Variants in POLR3A observed in about 807,000 individuals in gnomAD.
POLR3A encodes the protein RNA polymerase III subunit A.
In POLR3A, 112 loss-of-function variants were observed where a neutral mutation model predicts 152.8. The observed-to-expected ratio is 0.73, with a 90% CI of 0.63 to 0.86. The LOEUF (loss-of-function observed/expected upper bound fraction) is 0.86. Ranked by LOEUF, POLR3A falls within the 40% of genes least tolerant of loss-of-function variation. The pLI, the probability that POLR3A is intolerant of heterozygous loss-of-function variation, is 0.00. For missense variants in POLR3A, 1,385 were observed against 1,743.1 expected (o/e 0.79, Z 3.66); for synonymous variants, 615 against 652.1 (o/e 0.94, Z 0.87).
At chr10:77,991,332 G>A (rs1346856527) in intron 20 of POLR3A, among the ~76,000 whole-genome samples, 165 bp from the exon 21 acceptor site, 1 of 152,184 alleles carries the variant, frequency 6.6e-6, no homozygotes, top group Non-Finnish European at 1.5e-5. Flanking sequence ...TTCATGTGAA[G>A]GTGAAAACTG....
chr10:78,017,471 C>A, intron 10 of POLR3A, 104 bp downstream of exon 10: 23 of 1,157,366 alleles, frequency 2.0e-5, no homozygotes, highest in Non-Finnish European at 2.5e-5. Flanking sequence ...GTTATGAAAA[C>A]TTGAGATAAC....
At chr10:78,005,330 T>G (rs1847400679) in intron 15 of POLR3A, among the ~76,000 whole-genome samples, 1 of 152,200 alleles carries the variant, frequency 6.6e-6, no homozygotes, top group Non-Finnish European at 1.5e-5. Flanking sequence ...CCTTAAAAAA[T>G]TAGCCGGGCA....
At position 78,024,712 on chromosome 10, in the gene POLR3A, G is replaced by C; in HGVS notation, c.491-9C>G. ...ACACTTCTTTACGGTACCTATAAGG[G>C]TTAGTTTATTTACCAAGAAATAAAA... On this transcript the variant is annotated splice_polypyrimidine_tract_variant and intron_variant, in intron 4 of 30. Transcript: ENST00000372371. 1 of 1,609,730 alleles carries C rather than the reference G, an allele frequency of 6.2e-7. No individual in the cohort carries two copies. Among genetic ancestry groups the C allele is most frequent in the Non-Finnish European group, 8.5e-7 (1 of 1,176,242 alleles).
rs928051665 is a variant in POLR3A at position 77,982,180 on chromosome 10, G to A, written c.3733C>T (p.Arg1245Ter). The A allele has an allele frequency of 4.3e-6, 7 of 1,613,970 alleles. No homozygotes were observed. The highest frequency in any genetic ancestry group is 1.1e-5 in the South Asian group (1 of 91,078). The change falls in exon 28 of 31, where the codon CGA becomes TGA. Residue 1245 changes from arginine to a stop codon, truncating the protein, a stop_gained. Coordinates refer to ENST00000372371, the MANE Select transcript of POLR3A (RefSeq NM_007055.4). LOFTEE classifies it high-confidence loss of function. ...VMATHGVKGT[R>*]TTSNNTYEVE... ...TCATAGGTGTTATTGGAGGTGGTTC[G>A]GGTGCCCTTCACACCGTGTGTGGCC...
At chr10:78,027,227 A>G (rs964837296) in intron 1 of POLR3A, among the ~76,000 whole-genome samples, 1 of 152,228 alleles carries the variant, frequency 6.6e-6, no homozygotes, top group African/African-American at 2.4e-5. Flanking sequence ...GGACTGGCAC[A>G]AGCTTGGCAT....
intron 21 of POLR3A, among the ~76,000 whole-genome samples, chr10:77,987,817 C>T (rs371233993): frequency 5.9e-5 from 9 of 152,328 alleles, no homozygotes; most frequent in African/African-American, 2.2e-4. Context: ...ATGCCTTTCC[C>T]AGCCAGCTGC....
chr10:78,006,595 A>AAT (rs1427777256), intron 15 of POLR3A, among the ~76,000 whole-genome samples: 4 of 152,034 alleles, frequency 2.6e-5, no homozygotes, highest in African/African-American at 9.7e-5. Flanking sequence ...TAGGAGTTCT[A>AAT]ATATGTAATT....
intron 18 of POLR3A, among the ~76,000 whole-genome samples, chr10:78,000,712 G>A (rs1197833828): frequency 6.6e-6 from 1 of 152,154 alleles, no homozygotes; most frequent in Non-Finnish European, 1.5e-5. Flanking sequence ...TTATTTATTT[G>A]TAGAGATGGG....
intron 15 of POLR3A, 81 bp downstream of exon 15, chr10:78,007,621 A>C (rs1847423279): frequency 8.4e-7 from 1 of 1,189,544 alleles, no homozygotes; most frequent in Non-Finnish European, 1.3e-6. Flanking sequence ...ATGAAATGGC[A>C]GTAAAAGAAC....
intron 30 of POLR3A, among the ~76,000 whole-genome samples, chr10:77,979,420 C>T (rs535232648): frequency 7.2e-5 from 11 of 152,304 alleles, no homozygotes; most frequent in South Asian, 6.2e-4. Context: ...GGTCTTCCTG[C>T]GGAATCAGAA....
chr10:77,981,868 C>CAA lies in POLR3A; in HGVS notation c.3759+284_3759+285dup, dbSNP rs60259976. Among the ~76,000 whole-genome samples the CAA allele has an allele frequency of 0.012, 772 of 63,770 alleles. 16 individuals carry two copies. Among genetic ancestry groups the CAA allele is most frequent in the East Asian group, 0.082 (206 of 2,502 alleles). 41.8% of individuals were successfully genotyped at this position (63,770 alleles called of 152,430 possible). A position where few individuals can be genotyped will look rare whatever the true frequency, so the allele number is the denominator to read the frequency against. On this transcript the variant is annotated intron_variant, in intron 28 of 30. Transcript: ENST00000372371. The stretch of plus-strand genomic sequence containing the variant: ...TGAAACCCCATTTCTACTAAAAATA[C>CAA]AAAAAAAAAAAAAAAAAAAAATTAG...
intron 21 of POLR3A, among the ~76,000 whole-genome samples, chr10:77,986,912 TCAGAG>T (rs781683812): frequency 1.8e-4 from 27 of 152,172 alleles, no homozygotes; most frequent in Non-Finnish European, 3.1e-4. Context: ...AGGTGGAAGA[TCAGAG>T]CAGGGCTAGA....
intron 10 of POLR3A, among the ~76,000 whole-genome samples, chr10:78,014,528 T>C (rs1589315277): frequency 6.6e-6 from 1 of 152,218 alleles, no homozygotes; most frequent in South Asian, 2.1e-4. Context: ...GCAATTCTCC[T>C]GCCTCAGCCT....
intron 19 of POLR3A, among the ~76,000 whole-genome samples, chr10:77,994,041 A>G (rs1412614972): frequency 6.6e-6 from 1 of 152,152 alleles, no homozygotes; most frequent in Admixed American, 6.5e-5. Flanking sequence ...GCAAAGTCAT[A>G]CTCTCTAATT....
intron 14 of POLR3A, among the ~76,000 whole-genome samples, chr10:78,009,165 A>C (rs1031179390): frequency 2.2e-4 from 34 of 151,576 alleles, no homozygotes; most frequent in Non-Finnish European, 5.0e-4. Context: ...AAAAAAAAAA[A>C]AAAAAAAAAA....
intron 10 of POLR3A, among the ~76,000 whole-genome samples, chr10:78,017,261 A>C (rs1847533665): frequency 6.6e-6 from 1 of 151,892 alleles, no homozygotes; most frequent in Non-Finnish European, 1.5e-5. Flanking sequence ...CCCCGTCTCA[A>C]CCAAAAACCA....
intron 8 of POLR3A, among the ~76,000 whole-genome samples, chr10:78,020,510 C>T (rs946557825): frequency 4.0e-5 from 6 of 150,420 alleles, no homozygotes; most frequent in East Asian, 2.0e-4. Flanking sequence ...AAAACCAGGC[C>T]GGATGCGGTG....
chr10:78,017,460 A>T, intron 10 of POLR3A, 115 bp downstream of exon 10: 1 of 1,103,388 alleles, frequency 9.1e-7, no homozygotes, highest in Non-Finnish European at 1.3e-6. Flanking sequence ...AAAAAAAAAA[A>T]GTTATGAAAA....
At chr10:78,022,512 G>T in intron 5 of POLR3A, 128 bp from the exon 6 acceptor site, 3 of 988,992 alleles carry the variant, frequency 3.0e-6, no homozygotes, top group Middle Eastern at 2.6e-4. Context: ...AGATTTCTAT[G>T]GATGATACGC....
Sources: gnomAD v4.1 joint callset for allele counts (sites outside exome capture counted in the v4.1 genomes callset) on GRCh38, gnomAD v4.1.1 for gene constraint, MANE v1.5 for transcripts, NCBI Gene and HGNC (gene_info 2026-07-23, HGNC 2026-07-21) for gene names.